Variants in KDSR observed in about 807,000 individuals in gnomAD.
KDSR encodes 3-dehydrosphinganine reductase.
In KDSR, 23 loss-of-function variants were observed where a neutral mutation model predicts 41.3. That is an observed-to-expected ratio of 0.56 (90% CI 0.40 to 0.79). KDSR has a LOEUF of 0.79. KDSR is among the 30% of genes least tolerant of loss of function. KDSR has a pLI of 0.00. For synonymous variants in KDSR, 138 were observed against 151.7 expected (o/e 0.91, Z 0.66); for missense variants, 351 against 416.8 (o/e 0.84, Z 1.37).
chr18:63,335,423 A>C (rs1179917598), intron 8 of KDSR, 65 bp from the exon 9 acceptor site: 4 of 1,070,638 alleles, frequency 3.7e-6, no homozygotes, highest in Non-Finnish European at 2.9e-6. Flanking sequence ...TCAGTCGGAC[A>C]CATCAGAAAC....
In KDSR at chr18:63,331,163, C is replaced by T. The variant is rs1223390777; in HGVS notation, c.*619G>A. 1 of 233,114 alleles carries T rather than the reference C, an allele frequency of 4.3e-6. No homozygotes were observed. Among genetic ancestry groups the T allele is most frequent in the Non-Finnish European group, 8.5e-6 (1 of 118,094 alleles). 14.4% of individuals were successfully genotyped at this position (233,114 alleles called of 1,614,324 possible). ...GAGAGAGAGAAGCCATGAGTTTCCA[C>T]CAGCAGCAGAGTGAGTCCTGAGCAC... On this transcript the variant is annotated 3_prime_UTR_variant, in exon 10 of 10. Transcript: ENST00000645214.
chr18:63,362,507 G>C lies in KDSR; in HGVS notation c.198+272C>G, dbSNP rs375371148. Among the ~76,000 whole-genome samples, 10 of 152,214 alleles carry C rather than the reference G, an allele frequency of 6.6e-5. No individual in the cohort carries two copies. In the South Asian group the frequency reaches 2.1e-3, roughly 32 times the overall value. ...ATGGCCAGGTGTGCTCCTTCAACTA[G>C]ACCTTGGCCTCTCCCATCTCAGGAT... On this transcript the variant is annotated intron_variant, in intron 2 of 9. Coordinates refer to ENST00000645214, the MANE Select transcript of KDSR (RefSeq NM_002035.4).
chr18:63,346,405 G>GT (rs1568278987), intron 6 of KDSR: 1 of 152,340 alleles, frequency 6.6e-6, no homozygotes, highest in Non-Finnish European at 1.5e-5. Context: ...AATCCAACGA[G>GT]TGGTCATTAG....
intron 7 of KDSR, among the ~76,000 whole-genome samples, chr18:63,343,590 T>C (rs1914411069): frequency 6.6e-6 from 1 of 152,016 alleles, no homozygotes; most frequent in South Asian, 2.1e-4. Flanking sequence ...GGTTTTGTTA[T>C]GTTGCCCAGG....
chr18:63,351,662 GCA>G (rs905536174), intron 5 of KDSR, among the ~76,000 whole-genome samples: 3 of 152,222 alleles, frequency 2.0e-5, no homozygotes, highest in African/African-American at 7.2e-5. Context: ...ACAAGCGCTA[GCA>G]CAGTCCTGGA....
intron 7 of KDSR, among the ~76,000 whole-genome samples, chr18:63,342,013 C>T (rs1348590341): frequency 6.6e-6 from 1 of 151,276 alleles, no homozygotes; most frequent in African/African-American, 2.4e-5. Context: ...AAAAAAAATA[C>T]AAAAAATCAG....
intron 5 of KDSR, among the ~76,000 whole-genome samples, chr18:63,352,022 A>G (rs1914673781): frequency 6.6e-6 from 1 of 152,162 alleles, no homozygotes; most frequent in African/African-American, 2.4e-5. Context: ...GGGCTCCAGC[A>G]GTACTCCTGC....
rs1047217299 is a variant in KDSR, at chr18:63,359,727, G to T, written c.255+9C>A. 6.3e-6 allele frequency: 10 copies of T among 1,576,204 alleles called. No homozygotes were observed. In the African/African-American group the frequency reaches 1.2e-4, roughly 19 times the overall value. ...ATACAGAAAATGCATTCTGAAGACA[G>T]AGATTTACCTGTTTGTCATTAATAG... On this transcript the variant is annotated intron_variant, in intron 3 of 9. Coordinates refer to ENST00000645214, the MANE Select transcript of KDSR (RefSeq NM_002035.4).
intron 3 of KDSR, among the ~76,000 whole-genome samples, chr18:63,357,500 T>C (rs1016050175): frequency 4.7e-5 from 7 of 149,700 alleles, no homozygotes; most frequent in African/African-American, 1.7e-4. Flanking sequence ...CTCCAACTTT[T>C]TGCAGCAACA....
In KDSR at chr18:63,359,737, T is replaced by C. The variant is rs372779897; in HGVS notation, c.254A>G (p.Gln85Arg). 1.3e-5 allele frequency: 20 copies of C among 1,593,158 alleles called. No homozygotes were observed. Among genetic ancestry groups the C allele is most frequent in the Non-Finnish European group, 1.6e-5 (19 of 1,162,446 alleles). The change falls in exon 3 of 10, where the codon CAG (glutamine) becomes CGG (arginine). Residue 85 changes from glutamine to arginine, a missense_variant and splice_region_variant. By Grantham distance (43) the Gln-to-Arg change is conservative. Coordinates refer to ENST00000645214, the MANE Select transcript of KDSR (RefSeq NM_002035.4). Reference sequence around the variant, plus strand: ...TGCATTCTGAAGACAGAGATTTACCTGTTTGTCATTAATAGAGTGCATTTC... The same window carrying C: ...TGCATTCTGAAGACAGAGATTTACCCGTTTGTCATTAATAGAGTGCATTTC... The part of the protein sequence containing the change: ...EIEMHSINDK[Q>R]VVLCISVDVS...
At chr18:63,343,613 T>A (rs998467621) in intron 7 of KDSR, among the ~76,000 whole-genome samples, 1 of 151,828 alleles carries the variant, frequency 6.6e-6, no homozygotes, top group African/African-American at 2.4e-5. Flanking sequence ...GGTCTTGAAC[T>A]CCTGGCCTCA....
At chr18:63,364,547 G>T (rs953444064) in intron 1 of KDSR, among the ~76,000 whole-genome samples, 1 of 151,880 alleles carries the variant, frequency 6.6e-6, no homozygotes, top group Non-Finnish European at 1.5e-5. Context: ...AGGTTCAAGC[G>T]ATTCTCTTGT....
Position 63,367,180 on chromosome 18 carries a change from G to A in KDSR, c.-62C>T, listed in dbSNP as rs1385173693. ...GGGGCCGCCGGGCAAGGCGCGCAGG[G>A]CTGGGCTGCGGCGAGGCGAGAATCA... On this transcript the variant is annotated 5_prime_UTR_variant, in exon 1 of 10. Transcript: ENST00000645214. The A allele has an allele frequency of 3.4e-6, 3 of 880,472 alleles. No individual in the cohort carries two copies. The highest frequency in any genetic ancestry group is 4.5e-6 in the Non-Finnish European group (3 of 662,174). The allele number at this position is 880,472 out of a possible 1,614,324, so 54.5% of individuals were successfully genotyped here.
chr18:63,342,322 A>C (rs112219011), intron 7 of KDSR, among the ~76,000 whole-genome samples: 1 of 152,130 alleles, frequency 6.6e-6, no homozygotes, highest in South Asian at 2.1e-4. Context: ...AAAAAGTGAG[A>C]GTCATGGGCT....
intron 3 of KDSR, among the ~76,000 whole-genome samples, chr18:63,356,908 T>C (rs1914812345): frequency 6.6e-6 from 1 of 152,186 alleles, no homozygotes; most frequent in Admixed American, 6.5e-5. Flanking sequence ...AACTCACATG[T>C]GCAGAAGATA....
intron 9 of KDSR, among the ~76,000 whole-genome samples, chr18:63,332,831 CA>C (rs1159424416): frequency 0.34 from 25,543 of 75,178 alleles, 2,240 homozygotes; most frequent in Non-Finnish European, 0.43. Flanking sequence ...GACTCCGTCT[CA>C]AAAAAAAAAA....
rs139524854 is a variant in KDSR at position 63,358,539 on chromosome 18, T to C, written c.255+1197A>G. On this transcript the variant is annotated intron_variant, in intron 3 of 9. Coordinates refer to ENST00000645214, the MANE Select transcript of KDSR (RefSeq NM_002035.4). ...TAGAACTAAGTATATTGGCCAGGCA[T>C]GGTGGCTCACGCCCATAATCACAGG... 1.8e-4 allele frequency among the ~76,000 whole-genome samples: 28 copies of C among 152,220 alleles called. No individual in the cohort carries two copies. In the East Asian group the frequency reaches 4.8e-3, roughly 26 times the overall value.
At chr18:63,337,107 TATGTGA>T (rs1469088255) in intron 8 of KDSR, among the ~76,000 whole-genome samples, 372 of 30,958 alleles carry the variant, frequency 0.012, 25 homozygotes, top group African/African-American at 0.013. Flanking sequence ...TATATATATA[TATGTGA>T]ATATATATAT....
intron 5 of KDSR, 86 bp downstream of exon 5, chr18:63,355,118 A>G: frequency 1.2e-6 from 1 of 867,414 alleles, no homozygotes; most frequent in Non-Finnish European, 1.9e-6. Context: ...GAATGCATTC[A>G]TCTAATTGAT....
Sources: gnomAD v4.1 joint callset for allele counts (sites outside exome capture counted in the v4.1 genomes callset) on GRCh38, gnomAD v4.1.1 for gene constraint, MANE v1.5 for transcripts, NCBI Gene and HGNC (gene_info 2026-07-23, HGNC 2026-07-21) for gene names.